EDIL3: variants seen among roughly 807,000 people sequenced by gnomAD.
The protein encoded by EDIL3 is EGF like and discoidin domains 3.
In EDIL3, 37 loss-of-function variants were observed where a neutral mutation model predicts 67.4. The ratio of observed to expected loss-of-function variants is 0.55; its 90% CI spans 0.42 to 0.72. The LOEUF is 0.72. Among genes scored for constraint, EDIL3 ranks in the 30% least tolerant of loss-of-function variants. The probability of loss-of-function intolerance (pLI) is 0.00; values close to 1 mark genes in which losing one functional copy is unlikely to be tolerated. For synonymous variants in EDIL3, 195 were observed against 196.3 expected (o/e 0.99, Z 0.05); for missense variants, 527 against 586.3 (o/e 0.90, Z 1.04).
intron 1 of EDIL3, among the ~76,000 whole-genome samples, chr5:84,282,945 G>A (rs1745733428): frequency 6.6e-6 from 1 of 152,048 alleles, no homozygotes; most frequent in Non-Finnish European, 1.5e-5. Flanking sequence ...CTAGTACAGA[G>A]AGATCACATT....
At position 84,254,151 on chromosome 5, in the gene EDIL3, A is replaced by G. The variant is rs1003073513; in HGVS notation, c.129T>C (p.Asp43=). 4 of 1,613,060 alleles carry G rather than the reference A, an allele frequency of 2.5e-6. No individual in the cohort carries two copies. In the African/African-American group the frequency reaches 5.3e-5, roughly 22 times the overall value. The change falls in exon 2 of 11, where the codon GAT becomes GAC. Residue 43 remains aspartate (D), a synonymous_variant. Transcript: ENST00000296591. ...CTGGACACTCACAGGAAAAGGAACC[A>G]TCAGCCAATCCTGGCAAACAGATAC... ...NGGICLPGLA[D]GSFSCECPDG...
chr5:84,286,387 A>T (rs1476595386), intron 1 of EDIL3, among the ~76,000 whole-genome samples: 1 of 152,160 alleles, frequency 6.6e-6, no homozygotes, highest in Non-Finnish European at 1.5e-5. Flanking sequence ...GGAAAATGAA[A>T]TAAATAAAAT....
intron 1 of EDIL3, among the ~76,000 whole-genome samples, chr5:84,373,681 A>T (rs563769599): frequency 6.6e-6 from 1 of 152,310 alleles, no homozygotes; most frequent in South Asian, 2.1e-4. Flanking sequence ...ATACTTCTGG[A>T]AATGCATAAC....
chr5:84,267,902 C>T (rs1392615616), intron 1 of EDIL3, among the ~76,000 whole-genome samples: 8 of 152,098 alleles, frequency 5.3e-5, no homozygotes, highest in African/African-American at 1.4e-4. Flanking sequence ...TTTGGGAGGC[C>T]GAAGCAGGCA....
intron 2 of EDIL3, among the ~76,000 whole-genome samples, chr5:84,242,055 C>T (rs1446420022): frequency 1.9e-5 from 2 of 105,158 alleles, no homozygotes; most frequent in Non-Finnish European, 3.6e-5. Flanking sequence ...CCCGTCTCTA[C>T]TAAAAGTACA....
chr5:83,953,177 G>A (rs547687101), intron 10 of EDIL3, among the ~76,000 whole-genome samples: 1 of 151,748 alleles, frequency 6.6e-6, no homozygotes, highest in Non-Finnish European at 1.5e-5. Context: ...CTGGAAACAA[G>A]GTTGCAAGAT....
Position 83,943,332 on chromosome 5 carries a change from T to A in EDIL3, c.*87A>T. ...TTTCATGAAAAAAAAAAAAAAACCA[T>A]TCAGTTTCCTACAGATTTTGCACAG... On this transcript the variant is annotated 3_prime_UTR_variant, in exon 11 of 11. Transcript: ENST00000296591. The A allele has an allele frequency of 3.4e-6, 5 of 1,465,726 alleles. No individual in the cohort carries two copies. Among genetic ancestry groups the A allele is most frequent in the Non-Finnish European group, 4.6e-6 (5 of 1,077,342 alleles). The allele number at this position is 1,465,726 out of a possible 1,614,324, so 90.8% of individuals were successfully genotyped here.
intron 9 of EDIL3, among the ~76,000 whole-genome samples, chr5:83,990,603 G>A (rs1292097570): frequency 2.0e-5 from 3 of 151,956 alleles, no homozygotes; most frequent in Non-Finnish European, 2.9e-5. Flanking sequence ...TGGGTTGGCC[G>A]GGCACGGTGG....
chr5:83,964,253 T>A (rs557453791), intron 9 of EDIL3, among the ~76,000 whole-genome samples: 6 of 152,100 alleles, frequency 3.9e-5, no homozygotes, highest in Admixed American at 2.6e-4. Flanking sequence ...GTTAATTTTT[T>A]AAAAATCTAG....
At chr5:84,211,156 C>A (rs146762403) in intron 3 of EDIL3, among the ~76,000 whole-genome samples, 1 of 152,132 alleles carries the variant, frequency 6.6e-6, no homozygotes, top group Non-Finnish European at 1.5e-5. Flanking sequence ...AAAATTGATT[C>A]CCAGTGTTGA....
At chr5:84,276,089 A>G (rs1745578979) in intron 1 of EDIL3, among the ~76,000 whole-genome samples, 1 of 152,170 alleles carries the variant, frequency 6.6e-6, no homozygotes, top group Non-Finnish European at 1.5e-5. Flanking sequence ...CCCTGGAGTC[A>G]TCCACTGTTT....
At chr5:84,380,069 T>G (rs1748043682) in intron 1 of EDIL3, among the ~76,000 whole-genome samples, 1 of 152,040 alleles carries the variant, frequency 6.6e-6, no homozygotes, top group South Asian at 2.1e-4. Flanking sequence ...ACTTAAATTC[T>G]TGCTGTATCA....
intron 1 of EDIL3, among the ~76,000 whole-genome samples, chr5:84,279,899 C>G (rs544172259): frequency 1.3e-5 from 2 of 152,082 alleles, no homozygotes; most frequent in Non-Finnish European, 2.9e-5. Flanking sequence ...ACTGATACAC[C>G]CAGTACTTAA....
intron 6 of EDIL3, among the ~76,000 whole-genome samples, chr5:84,103,816 G>T (rs763169209): frequency 2.0e-5 from 3 of 151,822 alleles, no homozygotes; most frequent in African/African-American, 4.8e-5. Flanking sequence ...TGAAGATTCC[G>T]CAAAGAACTA....
chr5:84,078,395 T>C (rs907516959), intron 6 of EDIL3, among the ~76,000 whole-genome samples: 6 of 152,076 alleles, frequency 3.9e-5, no homozygotes, highest in African/African-American at 1.4e-4. Context: ...CATAAGAATA[T>C]GTGAAAAAGA....
At chr5:84,268,650 A>G (rs1745398212) in intron 1 of EDIL3, among the ~76,000 whole-genome samples, 1 of 152,192 alleles carries the variant, frequency 6.6e-6, no homozygotes, top group African/African-American at 2.4e-5. Flanking sequence ...TTCACTTAGC[A>G]TCTTTGATGA....
In EDIL3 at chr5:84,105,807, T is replaced by A. The variant is rs148170848; in HGVS notation, c.651+842A>T. On this transcript the variant is annotated intron_variant, in intron 6 of 10. Coordinates refer to ENST00000296591, the MANE Select transcript of EDIL3 (RefSeq NM_005711.5). The stretch of plus-strand genomic sequence containing the variant: ...ATCAGGCTGTTCCCTGGATGTTCAG[T>A]CTCTACTGAAAGCCATCCTTCTCAG... Among the ~76,000 whole-genome samples, 702 of 152,162 alleles carry A rather than the reference T, an allele frequency of 4.6e-3. 2 individuals are homozygous for A. The highest frequency in any genetic ancestry group is 9.3e-3 in the Admixed American group (142 of 15,234).
intron 9 of EDIL3, among the ~76,000 whole-genome samples, chr5:84,032,541 G>A (rs973218847): frequency 6.6e-6 from 1 of 151,970 alleles, no homozygotes; most frequent in Non-Finnish European, 1.5e-5. Context: ...TCCTGTCAGG[G>A]TTTTTAAATA....
In EDIL3 at chr5:84,157,358, A is replaced by G. The variant is rs146885565; in HGVS notation, c.356-20004T>C. ...GGGATTTACTCAATCATTGACTCTG[A>G]AACAGTTTTGTACATATTCCAGATG... On this transcript the variant is annotated intron_variant, in intron 4 of 10. Coordinates refer to ENST00000296591, the MANE Select transcript of EDIL3 (RefSeq NM_005711.5). Among the ~76,000 whole-genome samples the G allele has an allele frequency of 5.3e-3, 807 of 152,222 alleles. 5 individuals carry two copies. The highest frequency in any genetic ancestry group is 0.018 in the African/African-American group (740 of 41,544).
Sources: gnomAD v4.1 joint callset for allele counts (sites outside exome capture counted in the v4.1 genomes callset) on GRCh38, gnomAD v4.1.1 for gene constraint, MANE v1.5 for transcripts, NCBI Gene and HGNC (gene_info 2026-07-23, HGNC 2026-07-21) for gene names.